IL1RAPL1: variants seen among roughly 807,000 people sequenced by gnomAD.
The protein encoded by IL1RAPL1 is interleukin 1 receptor accessory protein like 1, also known as interleukin-1 receptor accessory protein-like 1.
Under a neutral mutation model 48.4 loss-of-function variants are expected in IL1RAPL1, and 3 were observed. That is an observed-to-expected ratio of 0.06 (90% confidence interval 0.03 to 0.16). The LOEUF (loss-of-function observed/expected upper bound fraction) is 0.16. Ranked by LOEUF, IL1RAPL1 falls within the 10% of genes least tolerant of loss-of-function variation. IL1RAPL1 has a pLI of 1.00. For missense variants in IL1RAPL1, 349 were observed against 530.6 expected (o/e 0.66, Z 3.36); for synonymous variants, 185 against 187.7 (o/e 0.99, Z 0.12).
intron 1 of IL1RAPL1, among the ~76,000 whole-genome samples, chrX:28,718,337 A>G (rs1157055550): frequency 8.9e-6 from 1 of 112,078 alleles, no homozygotes; most frequent in Admixed American, 9.5e-5. Flanking sequence ...TAAAAAATAA[A>G]CTAAACCAGA....
At chrX:28,911,555 C>G (rs913658897) in intron 2 of IL1RAPL1, among the ~76,000 whole-genome samples, 1 of 110,929 alleles carries the variant, frequency 9.0e-6, no homozygotes, top group Non-Finnish European at 1.9e-5. Context: ...TTCTCAGATT[C>G]TCAGATATTG....
At chrX:28,625,737 CGTGTGTGTGT>C (rs112613600) in intron 1 of IL1RAPL1, among the ~76,000 whole-genome samples, 3 of 99,294 alleles carry the variant, frequency 3.0e-5, no homozygotes, top group Non-Finnish European at 4.1e-5. Context: ...AATCAAAATG[CGTGTGTGTGT>C]GTGTGTGTGT....
intron 3 of IL1RAPL1, among the ~76,000 whole-genome samples, chrX:29,333,309 C>T (rs754598820): frequency 6.8e-3 from 706 of 103,214 alleles, no homozygotes; most frequent in Non-Finnish European, 0.01. Flanking sequence ...CCGGACGGGG[C>T]GGTTGGCCAG....
intron 6 of IL1RAPL1, among the ~76,000 whole-genome samples, chrX:29,859,173 T>C (rs1931530390): frequency 8.9e-6 from 1 of 111,961 alleles, no homozygotes; most frequent in Non-Finnish European, 1.9e-5. Context: ...AACTACATGA[T>C]GATAGCTTTG....
intron 3 of IL1RAPL1, among the ~76,000 whole-genome samples, chrX:29,313,951 G>GT (rs1162377337): frequency 8.9e-6 from 1 of 112,398 alleles, no homozygotes; most frequent in Non-Finnish European, 1.9e-5. Flanking sequence ...CACAGGTATT[G>GT]TAAGACTGAT....
intron 2 of IL1RAPL1, among the ~76,000 whole-genome samples, chrX:29,236,905 G>T (rs1053259988): frequency 4.0e-4 from 44 of 109,221 alleles, no homozygotes; most frequent in Non-Finnish European, 7.0e-4. Context: ...TCCATTTCAA[G>T]GTCACAACTG....
intron 6 of IL1RAPL1, among the ~76,000 whole-genome samples, chrX:29,802,822 TATGTATACATATATGTATAC>T (rs1262678391): frequency 6.3e-5 from 4 of 63,556 alleles, no homozygotes; most frequent in African/African-American, 2.1e-4. Flanking sequence ...TGTGTATATA[TATGTATACATATATGTATAC>T]ATATATGTGT....
At chrX:29,085,711 G>C (rs1049175130) in intron 2 of IL1RAPL1, among the ~76,000 whole-genome samples, 3 of 111,516 alleles carry the variant, frequency 2.7e-5, no homozygotes, top group African/African-American at 9.8e-5. Flanking sequence ...AAGAAGGAGT[G>C]GTGGGCACGA....
Position 28,768,709 on chromosome X carries a change from C to G in IL1RAPL1, c.-24-20611C>G, listed in dbSNP as rs6653806. Among the ~76,000 whole-genome samples, 122 of 66,494 alleles carry G rather than the reference C, an allele frequency of 1.8e-3. 1 individual carries two copies. Among genetic ancestry groups the G allele is most frequent in the Non-Finnish European group, 2.7e-3 (101 of 37,254 alleles). The allele number at this position is 66,494 out of a possible 115,157, so 57.7% of individuals were successfully genotyped here. On this transcript the variant is annotated intron_variant, in intron 1 of 10. Transcript: ENST00000378993. ...TGTCTCTCTCTCTCTCTGTTTCTCT[C>G]TCTCTCTCTCTCTCTCTCTGTCTCT...
At chrX:29,178,482 A>G (rs1222735508) in intron 2 of IL1RAPL1, among the ~76,000 whole-genome samples, 3 of 111,820 alleles carry the variant, frequency 2.7e-5, no homozygotes, top group East Asian at 2.8e-4. Flanking sequence ...TTCTTTATAG[A>G]TTCTAGATAT....
chrX:28,780,363 G>GTCTGTCTGTC (rs1555922998), intron 1 of IL1RAPL1, among the ~76,000 whole-genome samples: 10 of 91,458 alleles, frequency 1.1e-4, no homozygotes, highest in African/African-American at 4.1e-4. Context: ...GTGTGTGTGT[G>GTCTGTCTGTC]TGTCTGTCTG....
intron 6 of IL1RAPL1, among the ~76,000 whole-genome samples, chrX:29,915,367 A>G (rs1448318368): frequency 8.9e-6 from 1 of 111,928 alleles, no homozygotes; most frequent in African/African-American, 3.2e-5. Context: ...CATAAGCTAA[A>G]ATAGAGAAGG....
At chrX:29,861,867 T>C (rs1210227653) in intron 6 of IL1RAPL1, among the ~76,000 whole-genome samples, 1 of 110,930 alleles carries the variant, frequency 9.0e-6, no homozygotes, top group East Asian at 2.8e-4. Flanking sequence ...AAATGTTCAG[T>C]CTTGGTCCAA....
chrX:29,335,727 G>C (rs1932983820), intron 3 of IL1RAPL1, among the ~76,000 whole-genome samples: 1 of 111,403 alleles, frequency 9.0e-6, no homozygotes, highest in Non-Finnish European at 1.9e-5. Flanking sequence ...TGATAGACTT[G>C]ACCTGAGGCC....
At chrX:29,232,663 A>G (rs1323778095) in intron 2 of IL1RAPL1, among the ~76,000 whole-genome samples, 1 of 112,277 alleles carries the variant, frequency 8.9e-6, no homozygotes, top group Non-Finnish European at 1.9e-5. Context: ...TACACATTTG[A>G]GCAACAGTGT....
At chrX:28,710,325 A>G (rs1935426309) in intron 1 of IL1RAPL1, among the ~76,000 whole-genome samples, 1 of 108,001 alleles carries the variant, frequency 9.3e-6, no homozygotes, top group South Asian at 4.3e-4. Flanking sequence ...AATAAAAAGA[A>G]AAGGAGATCA....
At chrX:29,728,874 T>C (rs1569155373) in intron 6 of IL1RAPL1, among the ~76,000 whole-genome samples, 2 of 111,865 alleles carry the variant, frequency 1.8e-5, no homozygotes, top group African/African-American at 6.5e-5. Context: ...CACATGCCTA[T>C]ACCTCAGCTG....
rs141470211 is a variant in IL1RAPL1, at chrX:29,593,224, T to G, written c.704-75206T>G. On this transcript the variant is annotated intron_variant, in intron 5 of 10. Transcript: ENST00000378993. ...CCTCCTCCTCCACTTTATCCCATTC[T>G]CCAGCCCCTCGTTAGTCAGGCTTCA... is the stretch of plus-strand genomic sequence containing the variant. Among the ~76,000 whole-genome samples, 712 of 111,399 alleles carry G rather than the reference T, an allele frequency of 6.4e-3. 8 individuals are homozygous for G. Among genetic ancestry groups the G allele is most frequent in the African/African-American group, 0.022 (673 of 30,618 alleles).
At chrX:29,222,443 C>T (rs913582364) in intron 2 of IL1RAPL1, among the ~76,000 whole-genome samples, 1 of 111,893 alleles carries the variant, frequency 8.9e-6, no homozygotes, top group Non-Finnish European at 1.9e-5. Context: ...GCCTCTGGAA[C>T]AATGTTTAGA....
Sources: gnomAD v4.1 joint callset for allele counts (sites outside exome capture counted in the v4.1 genomes callset) on GRCh38, gnomAD v4.1.1 for gene constraint, MANE v1.5 for transcripts, NCBI Gene and HGNC (gene_info 2026-07-23, HGNC 2026-07-21) for gene names.